FHAD1: variants seen among roughly 807,000 people sequenced by gnomAD.
The protein encoded by FHAD1 is forkhead-associated domain-containing protein 1.
In FHAD1, 146 loss-of-function variants were observed where a neutral mutation model predicts 191.3. The observed-to-expected ratio is 0.76, with a 90% CI of 0.67 to 0.88. The LOEUF (loss-of-function observed/expected upper bound fraction) is 0.88. FHAD1 is among the 40% of genes least tolerant of loss of function. The pLI, the probability that FHAD1 is intolerant of heterozygous loss-of-function variation, is 0.00. For missense variants in FHAD1, 1,635 were observed against 1,785.8 expected, an observed-to-expected ratio of 0.92 and a Z score of 1.52; for synonymous variants, 616 against 672.3, an observed-to-expected ratio of 0.92 and a Z score of 1.29.
At chr1:15,261,247 A>C (rs1398720586) in intron 2 of FHAD1, among the ~76,000 whole-genome samples, 1 of 152,172 alleles carries the variant, frequency 6.6e-6, no homozygotes, top group Non-Finnish European at 1.5e-5. Context: ...AAGTTGTGGC[A>C]CAGACAGACT....
chr1:15,302,686 T>TC (rs34969645), intron 6 of FHAD1, among the ~76,000 whole-genome samples: 30,258 of 151,660 alleles, frequency 0.2, 6,428 homozygotes, highest in African/African-American at 0.54. Flanking sequence ...ACCACTGCAC[T>TC]CAGCCTGGGC....
intron 2 of FHAD1, among the ~76,000 whole-genome samples, chr1:15,256,810 G>A (rs1648411211): frequency 6.6e-6 from 1 of 152,188 alleles, no homozygotes; most frequent in Non-Finnish European, 1.5e-5. Flanking sequence ...CGAAGATCAT[G>A]GAGAAAAGCA....
chr1:15,272,650 A>G, intron 3 of FHAD1, 121 bp downstream of exon 3: 3 of 891,918 alleles, frequency 3.4e-6, no homozygotes, highest in South Asian at 3.4e-5. Flanking sequence ...CGCTGCACAC[A>G]GGCAGCAGAG....
Position 15,329,252 on chromosome 1 carries a change from G to A in FHAD1, c.1711-94G>A, listed in dbSNP as rs1037326127. ...GCCAATACGTGGCGCTGCCTGCTTC[G>A]TGGCAGAGTCAAGAACGCTGTTCCT... On this transcript the variant is annotated intron_variant, in intron 13 of 33. Transcript: ENST00000688493. This position sits in a 1 kb window ranked among gnomAD's most constrained non-coding sequence, Gnocchi z 5.0. 1.5e-5 allele frequency: 16 copies of A among 1,055,898 alleles called. No homozygotes were observed. The highest frequency in any genetic ancestry group is 9.0e-5 in the Admixed American group (3 of 33,166). 65.4% of individuals were successfully genotyped at this position (1,055,898 alleles called of 1,614,324 possible). A position where few individuals can be genotyped will look rare whatever the true frequency, so the allele number is the denominator to read the frequency against.
chr1:15,264,966 T>C (rs1169470960), intron 2 of FHAD1, among the ~76,000 whole-genome samples: 2 of 152,218 alleles, frequency 1.3e-5, no homozygotes, highest in Admixed American at 6.5e-5. Context: ...GTTAATGCAT[T>C]ATGTTACACA....
At chr1:15,340,482 G>A (rs1320131497) in intron 15 of FHAD1, among the ~76,000 whole-genome samples, 2 of 152,116 alleles carry the variant, frequency 1.3e-5, no homozygotes, top group African/African-American at 2.4e-5. Context: ...TCATCCCCCA[G>A]CAAGCAAGCC....
In FHAD1 at chr1:15,327,120, A is replaced by G; in HGVS notation, c.1535A>G (p.Asp512Gly). 6.4e-7 allele frequency: 1 copy of G among 1,551,232 alleles called. No homozygotes were observed. Among genetic ancestry groups the G allele is most frequent in the Non-Finnish European group, 8.7e-7 (1 of 1,146,774 alleles). ...ATYGRAKPFRDKPVTDQQLIE... is the reference protein window; with the variant it reads ...ATYGRAKPFRGKPVTDQQLIE... ...TATGGACGGGCGAAGCCGTTCCGGG[A>G]CAAGCCCGTCACCGACCAACAGGTT... The change falls in exon 12 of 34, where the codon GAC becomes GGC. Residue 512 changes from aspartate (D) to glycine (G), a missense_variant. Asp to Gly is a moderately conservative substitution (Grantham distance 94). Transcript: ENST00000688493. The surrounding 1 kb of genome is among the most constrained non-coding windows in gnomAD (Gnocchi z 5.1).
rs60016285 is a variant in FHAD1, at chr1:15,305,738, G to C, written c.916-2875G>C. 6 of 443,788 alleles carry C rather than the reference G, an allele frequency of 1.4e-5. No individual in the cohort carries two copies. The East Asian group carries it at 4.6e-4, about 34-fold the overall frequency. 27.5% of individuals were successfully genotyped at this position (443,788 alleles called of 1,614,324 possible). A position where few individuals can be genotyped will look rare whatever the true frequency, so the allele number is the denominator to read the frequency against. ...AGGGGTTTCCGCTTTTGCTTCTTCC[G>C]CATTTTCTCTTGCCGCCGCCATGTA... On this transcript the variant is annotated intron_variant, in intron 6 of 33. Transcript: ENST00000688493.
At position 15,366,284 on chromosome 1, in the gene FHAD1, CAAA is replaced by C. The variant is rs35252287; in HGVS notation, c.3154+374_3154+376del. Among the ~76,000 whole-genome samples, 5 of 44,466 alleles carry C rather than the reference CAAA, an allele frequency of 1.1e-4. No individual in the cohort carries two copies. The South Asian group carries it at 3.5e-3, about 31-fold the overall frequency. 29.2% of individuals were successfully genotyped at this position (44,466 alleles called of 152,430 possible). On this transcript the variant is annotated intron_variant, in intron 24 of 33. Transcript: ENST00000688493. ...TGAGCGACAAAGCGAGACTCTGTCT[CAAA>C]AAAAAAAAAAAAAAAAAAAAAAGAG...
At position 15,349,102 on chromosome 1, in the gene FHAD1, AAG is replaced by A. The variant is rs1249388031; in HGVS notation, c.2411_2412del (p.Arg804LysfsTer64). On this transcript the variant is annotated frameshift_variant, in exon 19 of 34. Coordinates refer to ENST00000688493, the MANE Select transcript of FHAD1 (RefSeq NM_001391957.1). LOFTEE classifies it high-confidence loss of function. Reference sequence around the variant, plus strand: ...AGCAAAGGAAGCCTTGGAGTCGGAAAAGAGAAAAGTTCAGGATCTGGAGAACC... The same window carrying A: ...AGCAAAGGAAGCCTTGGAGTCGGAAAAGAAAAGTTCAGGATCTGGAGAACC... Reference protein sequence around the residue: ...RKAKEALESEKRKVQDLENHL... With the variant: ...RKAKEALESEXRKVQDLENHL... The A allele has an allele frequency of 1.4e-5, 21 of 1,551,652 alleles. No individual in the cohort carries two copies. Among genetic ancestry groups the A allele is most frequent in the Non-Finnish European group, 1.7e-5 (20 of 1,147,020 alleles).
chr1:15,298,544 C>T (rs1197292253), intron 5 of FHAD1, among the ~76,000 whole-genome samples: 1 of 152,176 alleles, frequency 6.6e-6, no homozygotes, highest in African/African-American at 2.4e-5. Context: ...TTCTTCATAG[C>T]AGTGCAGTGG....
intron 26 of FHAD1, among the ~76,000 whole-genome samples, chr1:15,373,120 T>C (rs1236459691): frequency 1.3e-5 from 2 of 152,222 alleles, no homozygotes; most frequent in African/African-American, 2.4e-5. Context: ...CTTGACCCTC[T>C]GGACGTTGTA....
intron 20 of FHAD1, among the ~76,000 whole-genome samples, chr1:15,356,729 G>A (rs559192724): frequency 3.9e-5 from 6 of 152,080 alleles, no homozygotes; most frequent in South Asian, 2.1e-4. Flanking sequence ...AAAATTAGCC[G>A]GGCGTGGTGG....
chr1:15,343,118 A>G (rs1044578172), intron 16 of FHAD1, among the ~76,000 whole-genome samples: 5 of 152,086 alleles, frequency 3.3e-5, no homozygotes, highest in African/African-American at 1.2e-4. Context: ...TTTGATATTC[A>G]GGGACCCCTC....
intron 26 of FHAD1, among the ~76,000 whole-genome samples, chr1:15,372,438 G>A (rs1698376023): frequency 6.6e-6 from 1 of 152,112 alleles, no homozygotes; most frequent in African/African-American, 2.4e-5. Context: ...TTCTTTTCCC[G>A]GAGCACTTAT....
intron 3 of FHAD1, among the ~76,000 whole-genome samples, chr1:15,280,432 A>G (rs1660183664): frequency 6.6e-6 from 1 of 152,154 alleles, no homozygotes; most frequent in African/African-American, 2.4e-5. Context: ...AGACAGCCTC[A>G]GGCACAATGT....
At chr1:15,349,992 G>T (rs186428425) in intron 19 of FHAD1, among the ~76,000 whole-genome samples, 2 of 152,216 alleles carry the variant, frequency 1.3e-5, no homozygotes, top group African/African-American at 2.4e-5. Context: ...GACCCACATG[G>T]CATCTCCATG....
chr1:15,314,423 G>C (rs1176350870), intron 8 of FHAD1: 1 of 152,140 alleles, frequency 6.6e-6, no homozygotes, highest in East Asian at 1.9e-4. Context: ...AACTGATGTG[G>C]CCTCCCCTTT....
At chr1:15,269,002 A>G (rs1318486386) in intron 2 of FHAD1, among the ~76,000 whole-genome samples, 2 of 152,094 alleles carry the variant, frequency 1.3e-5, no homozygotes, top group East Asian at 1.9e-4. Context: ...AAATATATCC[A>G]TGGGATCAGC....
Sources: gnomAD v4.1 joint callset for allele counts (sites outside exome capture counted in the v4.1 genomes callset) on GRCh38, gnomAD v4.1.1 for gene constraint, Gnocchi (gnomAD v3.1) non-coding constraint, MANE v1.5 for transcripts, NCBI Gene and HGNC (gene_info 2026-07-23, HGNC 2026-07-21) for gene names.